NPRL3: variants seen among roughly 807,000 people sequenced by gnomAD.
NPRL3 encodes NPR3 like, GATOR1 complex subunit.
In NPRL3, 23 loss-of-function variants were observed where a neutral mutation model predicts 57.2. The ratio of observed to expected loss-of-function variants is 0.40; its 90% CI spans 0.29 to 0.57. The LOEUF (loss-of-function observed/expected upper bound fraction) is 0.57. Ranked by LOEUF, NPRL3 falls within the 20% of genes least tolerant of loss-of-function variation. The pLI, the probability that NPRL3 is intolerant of heterozygous loss-of-function variation, is 0.42. For missense variants in NPRL3, 691 were observed against 767.1 expected (o/e 0.90, Z 1.17); for synonymous variants, 333 against 321.1 (o/e 1.04, Z -0.39).
Position 119,252 on chromosome 16 carries a change from A to G in NPRL3, c.192T>C (p.Phe64=), listed in dbSNP as rs754276474. The stretch of plus-strand genomic sequence containing the variant: ...AAATTGTTGCCAGAATAACATCTGA[A>G]AACCTTAAAATTTAAGAGAGGTAGA... ...HADEQDGDSR[F]SDVILATILA... is the part of the protein sequence containing the mutation. The change falls in exon 4 of 14, where the codon TTT becomes TTC. Residue 64 remains phenylalanine (F), a synonymous_variant. Transcript: ENST00000611875. The G allele has an allele frequency of 1.2e-6, 2 of 1,604,008 alleles. No homozygotes were observed. Among genetic ancestry groups the G allele is most frequent in the Non-Finnish European group, 1.7e-6 (2 of 1,175,026 alleles).
chr16:105,487 T>C (rs1202976408), intron 7 of NPRL3, among the ~76,000 whole-genome samples: 2 of 123,964 alleles, frequency 1.6e-5, no homozygotes, highest in East Asian at 4.5e-4. Flanking sequence ...TATAGGTGCA[T>C]TTTTATGGAA....
At chr16:104,562 T>G (rs951455541) in intron 7 of NPRL3, among the ~76,000 whole-genome samples, 1 of 152,194 alleles carries the variant, frequency 6.6e-6, no homozygotes, top group African/African-American at 2.4e-5. Context: ...TGGTCTGGTT[T>G]GTACACTGGC....
intron 3 of NPRL3, among the ~76,000 whole-genome samples, chr16:127,736 G>C (rs1409393599): frequency 2.0e-5 from 3 of 149,046 alleles, no homozygotes; most frequent in Admixed American, 1.4e-4. Context: ...CTCACTGCAA[G>C]CTCCGCCTCC....
intron 2 of NPRL3, among the ~76,000 whole-genome samples, chr16:134,997 G>C (rs139129380): frequency 6.6e-6 from 1 of 152,028 alleles, no homozygotes; most frequent in Admixed American, 6.6e-5. Context: ...CACCGCGCCC[G>C]GCCAAGTCAC....
chr16:95,370 CACACA>C (rs1276250635), intron 9 of NPRL3, among the ~76,000 whole-genome samples: 8 of 147,182 alleles, frequency 5.4e-5, no homozygotes, highest in African/African-American at 2.0e-4. Context: ...CACACACACA[CACACA>C]CACACACACA....
intron 7 of NPRL3, among the ~76,000 whole-genome samples, chr16:100,887 CTT>C (rs1899266348): frequency 7.2e-6 from 1 of 138,980 alleles, no homozygotes; most frequent in Admixed American, 8.2e-5. Flanking sequence ...AGGAGAATCA[CTT>C]GAACCCAGGA....
chr16:98,998 G>A (rs1425349682), intron 8 of NPRL3, among the ~76,000 whole-genome samples: 1 of 152,144 alleles, frequency 6.6e-6, no homozygotes, highest in Non-Finnish European at 1.5e-5. Context: ...CACGACAAAA[G>A]TGGGGAAGGC....
chr16:107,645 T>G lies in NPRL3; in HGVS notation c.629+2880A>C, dbSNP rs576390325. ...AAAAAGAAATATAAAGTCAATGGTTTGGTTTTTATTTAAACAAATTTTTAA... is the reference window on the plus strand; with the variant it reads ...AAAAAGAAATATAAAGTCAATGGTTGGGTTTTTATTTAAACAAATTTTTAA... On this transcript the variant is annotated intron_variant, in intron 7 of 13. Coordinates refer to ENST00000611875, the MANE Select transcript of NPRL3 (RefSeq NM_001077350.3). Among the ~76,000 whole-genome samples the G allele has an allele frequency of 4.2e-4, 64 of 151,820 alleles. No individual in the cohort carries two copies. The South Asian group carries it at 0.013, about 30-fold the overall frequency.
chr16:85,623 C>T lies in NPRL3; in HGVS notation c.*1082G>A. ...GAAGCTGTATGGCTGGAGCGTGGTC[C>T]CCTGGAGCCCAGTGAGCCGGCTGTA... On this transcript the variant is annotated 3_prime_UTR_variant, in exon 14 of 14. Transcript: ENST00000611875. 6.3e-7 allele frequency: 1 copy of T among 1,598,398 alleles called. No homozygotes were observed. Among genetic ancestry groups the T allele is most frequent in the Non-Finnish European group, 8.6e-7 (1 of 1,168,646 alleles).
At position 129,428 on chromosome 16, in the gene NPRL3, C is replaced by T. The variant is rs560069172; in HGVS notation, c.188+1094G>A. 3.4e-3 allele frequency among the ~76,000 whole-genome samples: 511 copies of T among 152,270 alleles called. 2 individuals carry two copies. The highest frequency in any genetic ancestry group is 2.1e-3 in the Non-Finnish European group (141 of 68,028). On this transcript the variant is annotated intron_variant, in intron 3 of 13. Coordinates refer to ENST00000611875, the MANE Select transcript of NPRL3 (RefSeq NM_001077350.3). Reference sequence around the variant, plus strand: ...CAATGGGGTGTCCAGCAAGCCCCATCGCCCTTCCAAAGCCCACTCCACTCA... The same window carrying T: ...CAATGGGGTGTCCAGCAAGCCCCATTGCCCTTCCAAAGCCCACTCCACTCA...
chr16:98,414 T>TC lies in NPRL3; in HGVS notation c.768-114_768-113insG. 3 of 1,191,460 alleles carry TC rather than the reference T, an allele frequency of 2.5e-6. No individual in the cohort carries two copies. The South Asian group carries it at 4.5e-5, about 18-fold the overall frequency. The allele number at this position is 1,191,460 out of a possible 1,614,324, so 73.8% of individuals were successfully genotyped here. A position where few individuals can be genotyped will look rare whatever the true frequency, so the allele number is the denominator to read the frequency against. On this transcript the variant is annotated intron_variant, in intron 8 of 13. Coordinates refer to ENST00000611875, the MANE Select transcript of NPRL3 (RefSeq NM_001077350.3). ...GGTATGCACCAGGTCCTGCACCAGG[T>TC]ATGCACCGGGTATGCACCAGGTATG...
At chr16:108,993 C>T (rs1026207338) in intron 7 of NPRL3, among the ~76,000 whole-genome samples, 6 of 146,734 alleles carry the variant, frequency 4.1e-5, no homozygotes. Context: ...TTTTGATACG[C>T]GGTCTGGCTC....
At chr16:114,004 C>T (rs775616246) in intron 5 of NPRL3, among the ~76,000 whole-genome samples, 19 of 152,326 alleles carry the variant, frequency 1.2e-4, no homozygotes, top group Non-Finnish European at 1.5e-5. Flanking sequence ...AGGGCATTGC[C>T]TCAACAGTGT....
At chr16:110,412 C>T (rs1596519911) in intron 7 of NPRL3, 113 bp downstream of exon 7, 2 of 775,254 alleles carry the variant, frequency 2.6e-6, no homozygotes, top group Admixed American at 2.2e-5. Flanking sequence ...GATGCTCACA[C>T]CCCAGGAGAA....
At chr16:113,337 T>C (rs1899898643) in intron 5 of NPRL3, among the ~76,000 whole-genome samples, 1 of 152,126 alleles carries the variant, frequency 6.6e-6, no homozygotes, top group Non-Finnish European at 1.5e-5. Flanking sequence ...ATACTTTTGG[T>C]CCTGAAGGAT....
At chr16:91,303 G>A (rs142308886) in intron 11 of NPRL3, among the ~76,000 whole-genome samples, 2 of 152,280 alleles carry the variant, frequency 1.3e-5, no homozygotes, top group African/African-American at 2.4e-5. Flanking sequence ...GCTTGAACCC[G>A]GGAGGCAAAG....
At chr16:137,162 G>C (rs940717514) in intron 2 of NPRL3, among the ~76,000 whole-genome samples, 3 of 151,950 alleles carry the variant, frequency 2.0e-5, no homozygotes, top group African/African-American at 7.3e-5. Flanking sequence ...GGAGGCTGCA[G>C]TGAGCCGAGA....
In NPRL3 at chr16:118,457, G is replaced by C. The variant is rs373208662; in HGVS notation, c.318+669C>G. Among the ~76,000 whole-genome samples, 52 of 151,628 alleles carry C rather than the reference G, an allele frequency of 3.4e-4. 2 individuals carry two copies. In the South Asian group the frequency reaches 0.01, roughly 30 times the overall value. On this transcript the variant is annotated intron_variant, in intron 4 of 13. Coordinates refer to ENST00000611875, the MANE Select transcript of NPRL3 (RefSeq NM_001077350.3). ...TGTCTTGTAATAAATAAGAGGAAAT[G>C]CTTGCACCACACTGTAGAAAATTCA...
At chr16:125,454 G>A (rs928438391) in intron 3 of NPRL3, among the ~76,000 whole-genome samples, 1 of 152,210 alleles carries the variant, frequency 6.6e-6, no homozygotes. Context: ...TCCATTTCCT[G>A]ACAGGAGCAT....
Sources: allele counts gnomAD v4.1 joint callset (sites outside exome capture counted in the v4.1 genomes callset), GRCh38; gene constraint gnomAD v4.1.1; transcripts MANE v1.5; gene names NCBI Gene and HGNC (gene_info 2026-07-23, HGNC 2026-07-21).